Variants in HAUS8 observed in about 807,000 individuals in gnomAD.
The protein encoded by HAUS8 is HAUS augmin-like complex subunit 8.
Under a neutral mutation model 42.9 loss-of-function variants are expected in HAUS8, and 38 were observed. The observed-to-expected ratio is 0.89, with a 90% CI of 0.68 to 1.16. HAUS8 has a LOEUF of 1.16. Ranked by LOEUF, HAUS8 falls within the 50% of genes most tolerant of loss-of-function variation. The pLI is 0.00. For synonymous variants in HAUS8, 199 were observed against 205.8 expected (o/e 0.97, Z 0.28); for missense variants, 494 against 511.6 (o/e 0.97, Z 0.33).
At chr19:17,064,678 G>C (rs978137506) in intron 3 of HAUS8, among the ~76,000 whole-genome samples, 1 of 152,150 alleles carries the variant, frequency 6.6e-6, no homozygotes, top group Non-Finnish European at 1.5e-5. Context: ...ATGAAAAAAC[G>C]AACTTTGATT....
intron 5 of HAUS8, 28 bp from the exon 6 acceptor site, chr19:17,059,679 G>A (rs759152175): frequency 6.5e-7 from 1 of 1,528,844 alleles, no homozygotes; most frequent in Non-Finnish European, 9.1e-7. Context: ...ATTTTTAATG[G>A]CAAGTAGCGT....
At chr19:17,054,974 C>T (rs974718697) in intron 9 of HAUS8, 2 of 146,784 alleles carry the variant, frequency 1.4e-5, no homozygotes, top group Non-Finnish European at 1.5e-5. Flanking sequence ...ATTCCACCTC[C>T]GCAGAAAAAA....
chr19:17,057,026 T>C (rs1157346103), intron 8 of HAUS8, among the ~76,000 whole-genome samples: 1 of 152,184 alleles, frequency 6.6e-6, no homozygotes, highest in Non-Finnish European at 1.5e-5. Flanking sequence ...ACTATAGGCA[T>C]ATGCCACCAC....
chr19:17,054,219 C>T (rs1418654659), intron 9 of HAUS8, among the ~76,000 whole-genome samples: 1 of 152,160 alleles, frequency 6.6e-6, no homozygotes, highest in Non-Finnish European at 1.5e-5. Flanking sequence ...TTGCAAACCA[C>T]CCATTCTGTG....
intron 8 of HAUS8, among the ~76,000 whole-genome samples, chr19:17,057,633 C>G (rs889848013): frequency 3.3e-5 from 5 of 152,134 alleles, no homozygotes; most frequent in Admixed American, 6.5e-5. Context: ...TTTGAGCTCC[C>G]TAAAGTCAGA....
intron 3 of HAUS8, among the ~76,000 whole-genome samples, chr19:17,068,192 C>A (rs548084493): frequency 6.8e-6 from 1 of 146,560 alleles, no homozygotes; most frequent in East Asian, 2.0e-4. Flanking sequence ...TGGCTCACTG[C>A]AACCTCTGCC....
intron 1 of HAUS8, 171 bp downstream of exon 1, chr19:17,075,223 T>G (rs2057462330): frequency 1.3e-5 from 9 of 715,022 alleles, no homozygotes; most frequent in South Asian, 4.9e-5. Flanking sequence ...GTGTCAGCGC[T>G]CCGGAGCATG....
In HAUS8 at chr19:17,059,989, T is replaced by A; in HGVS notation, c.325+8A>T. 3 of 1,601,162 alleles carry A rather than the reference T, an allele frequency of 1.9e-6. No individual in the cohort carries two copies. The highest frequency in any genetic ancestry group is 2.6e-6 in the Non-Finnish European group (3 of 1,168,546). On this transcript the variant is annotated splice_region_variant and intron_variant, in intron 5 of 10. Coordinates refer to ENST00000253669, the MANE Select transcript of HAUS8 (RefSeq NM_033417.2). ...TGAGTGACAGAAGGGGTGAAACAAA[T>A]GATTTACCATTAATAGCAGAGAGAT...
chr19:17,063,654 G>A (rs1369641278), intron 3 of HAUS8, among the ~76,000 whole-genome samples: 3 of 152,148 alleles, frequency 2.0e-5, no homozygotes, highest in Non-Finnish European at 4.4e-5. Context: ...TTGAATTGGT[G>A]GATGCAATAA....
upstream of HAUS8, chr19:17,075,525 C>G (rs1355664070): frequency 7.6e-7 from 1 of 1,313,310 alleles, no homozygotes; most frequent in Non-Finnish European, 1.1e-6. Context: ...GGAGGGGTGG[C>G]TGCGAGGCGT....
chr19:17,057,361 A>T (rs1252225500), intron 8 of HAUS8, among the ~76,000 whole-genome samples: 1 of 152,156 alleles, frequency 6.6e-6, no homozygotes, highest in African/African-American at 2.4e-5. Context: ...AAAAAAAAAA[A>T]AAATTTTTTT....
chr19:17,064,166 C>A (rs2057375706), intron 3 of HAUS8, among the ~76,000 whole-genome samples: 2 of 152,104 alleles, frequency 1.3e-5, no homozygotes, highest in African/African-American at 4.8e-5. Context: ...ACACCAAATG[C>A]TTAGTTATAA....
chr19:17,070,537 C>A (rs539148018), intron 2 of HAUS8, among the ~76,000 whole-genome samples: 19 of 152,324 alleles, frequency 1.2e-4, no homozygotes, highest in South Asian at 2.1e-4. Context: ...TGCTGTGCAT[C>A]CCCCTGCAGG....
In HAUS8 at chr19:17,049,792, A is replaced by T; in HGVS notation, c.*81T>A. ...TGCAAAACAGGTTTACTTTTTTATC[A>T]AACAAGATTATCACATAAAAAATAG... On this transcript the variant is annotated 3_prime_UTR_variant, in exon 11 of 11. Transcript: ENST00000253669. The T allele has an allele frequency of 8.5e-7, 1 of 1,182,022 alleles. No individual in the cohort carries two copies. The highest frequency in any genetic ancestry group is 1.1e-6 in the Non-Finnish European group (1 of 899,092). 73.2% of individuals were successfully genotyped at this position (1,182,022 alleles called of 1,614,324 possible). A position where few individuals can be genotyped will look rare whatever the true frequency, so the allele number is the denominator to read the frequency against.
intron 9 of HAUS8, chr19:17,055,132 AAAAAAAAAAAAATATATATATATAT>A (rs1568634787): frequency 2.7e-5 from 1 of 37,184 alleles, no homozygotes; most frequent in Non-Finnish European, 4.6e-5. Context: ...AAAAAAAAAA[AAAAAAAAAAAAATATATATATATAT>A]ATATATATAT....
At chr19:17,069,929 T>C (rs58227986) in intron 2 of HAUS8, among the ~76,000 whole-genome samples, 1,936 of 152,016 alleles carry the variant, frequency 0.013, 47 homozygotes, top group African/African-American at 0.045. Context: ...GAATGGACCT[T>C]TGTGCTCCCA....
intron 2 of HAUS8, among the ~76,000 whole-genome samples, chr19:17,073,058 G>C (rs2057438172): frequency 6.6e-6 from 1 of 151,632 alleles, no homozygotes; most frequent in Admixed American, 6.6e-5. Flanking sequence ...TGACCCCCAT[G>C]GCTGCCAAGG....
At position 17,050,144 on chromosome 19, in the gene HAUS8, T is replaced by C; in HGVS notation, c.962A>G (p.Glu321Gly). 6.5e-7 allele frequency: 1 copy of C among 1,540,140 alleles called. No homozygotes were observed. The change falls in exon 11 of 11, where the codon GAG becomes GGG. Residue 321 changes from glutamate to glycine, a missense_variant. Transcript: ENST00000253669. Reference protein sequence around the residue: ...SFAQVLELSAEASKEAALANQ... With the variant: ...SFAQVLELSAGASKEAALANQ... ...TGCCAAGGCTGCCTCTTTGCTTGCC[T>C]CTGCGGAGAGTTCCAGCACCTGGGC... is the stretch of plus-strand genomic sequence containing the variant.
chr19:17,075,256 G>A (rs561269316), intron 1 of HAUS8, 138 bp downstream of exon 1: 1 of 903,968 alleles, frequency 1.1e-6, no homozygotes, highest in South Asian at 1.3e-5. Flanking sequence ...ACGCCATCGG[G>A]GTCTTCAGGG....
Sources: gnomAD v4.1 joint callset for allele counts (sites outside exome capture counted in the v4.1 genomes callset) on GRCh38, gnomAD v4.1.1 for gene constraint, MANE v1.5 for transcripts, NCBI Gene and HGNC (gene_info 2026-07-23, HGNC 2026-07-21) for gene names.